The following TBC1D30 variants were observed in gnomAD, a reference collection of about 807,000 sequenced individuals.
TBC1D30 encodes TBC1 domain family, member 30.
TBC1D30 carries 31 observed loss-of-function variants against 63.2 expected under a neutral mutation model. The ratio of observed to expected loss-of-function variants is 0.49; its 90% CI spans 0.37 to 0.66. The LOEUF is 0.66. Among genes scored for constraint, TBC1D30 ranks in the 30% least tolerant of loss-of-function variants. TBC1D30 has a pLI of 0.00. For synonymous variants in TBC1D30, 307 were observed against 361.5 expected (o/e 0.85, Z 1.71); for missense variants, 810 against 953.6 (o/e 0.85, Z 1.98).
At chr12:64,866,932 T>G (rs1481663462) in intron 10 of TBC1D30, 29 bp downstream of exon 10, 1 of 1,534,958 alleles carries the variant, frequency 6.5e-7, no homozygotes, top group African/African-American at 1.4e-5. Context: ...ATTTAGATTA[T>G]CATGATGTAT....
intron 2 of TBC1D30, among the ~76,000 whole-genome samples, chr12:64,802,773 T>G (rs1872656263): frequency 6.6e-6 from 1 of 152,204 alleles, no homozygotes; most frequent in Non-Finnish European, 1.5e-5. Context: ...TGTGATAGTT[T>G]GCTGAGAATG....
chr12:64,801,316 TTGTG>T (rs150300758), intron 2 of TBC1D30, among the ~76,000 whole-genome samples: 2 of 151,640 alleles, frequency 1.3e-5, no homozygotes, highest in Non-Finnish European at 2.9e-5. Flanking sequence ...GGATCAAAGT[TTGTG>T]TGTGTGTGTG....
At chr12:64,819,262 G>A (rs1341022452) in intron 2 of TBC1D30, among the ~76,000 whole-genome samples, 2 of 152,220 alleles carry the variant, frequency 1.3e-5, no homozygotes, top group East Asian at 1.9e-4. Context: ...TGTAGGTAAT[G>A]TGATCTGTCA....
intron 2 of TBC1D30, among the ~76,000 whole-genome samples, chr12:64,794,733 C>T (rs1256619771): frequency 6.6e-6 from 1 of 152,190 alleles, no homozygotes; most frequent in East Asian, 1.9e-4. Context: ...GCCACTGCAC[C>T]TGGCTGTAAC....
At chr12:64,871,766 G>C (rs1215579517) in intron 11 of TBC1D30, among the ~76,000 whole-genome samples, 1 of 152,192 alleles carries the variant, frequency 6.6e-6, no homozygotes, top group Non-Finnish European at 1.5e-5. Context: ...CAAATAGTGA[G>C]GAAATGGTGA....
chr12:64,854,920 C>T (rs1477580886), intron 8 of TBC1D30, among the ~76,000 whole-genome samples: 1 of 152,198 alleles, frequency 6.6e-6, no homozygotes, highest in African/African-American at 2.4e-5. Flanking sequence ...ATGCTTTCTT[C>T]TTGCTCATTA....
chr12:64,802,700 A>G (rs1872651461), intron 2 of TBC1D30, among the ~76,000 whole-genome samples: 2 of 151,802 alleles, frequency 1.3e-5, no homozygotes, highest in East Asian at 1.9e-4. Context: ...CCTGTGTCCA[A>G]GTGTTCTCAT....
intron 2 of TBC1D30, among the ~76,000 whole-genome samples, chr12:64,793,530 C>T (rs565922026): frequency 8.0e-5 from 12 of 149,238 alleles, no homozygotes; most frequent in South Asian, 2.2e-4. Context: ...CGTGGTGGCA[C>T]GCACCTGTAA....
chr12:64,821,811 C>G (rs1421101058), upstream of TBC1D30, among the ~76,000 whole-genome samples: 1 of 152,230 alleles, frequency 6.6e-6, no homozygotes, highest in Non-Finnish European at 1.5e-5. Context: ...GGATAAATTT[C>G]TGTACCGGAG....
At chr12:64,798,652 C>T (rs1322557261) in intron 2 of TBC1D30, among the ~76,000 whole-genome samples, 1 of 152,088 alleles carries the variant, frequency 6.6e-6, no homozygotes, top group African/African-American at 2.4e-5. Flanking sequence ...CAGAGTTATT[C>T]TGGGGATGAG....
At chr12:64,786,158 T>G in intron 2 of TBC1D30, 6 of 716,038 alleles carry the variant, frequency 8.4e-6, no homozygotes, top group Non-Finnish European at 9.9e-6. Flanking sequence ...TGCAAGCTTA[T>G]ACCCTCAGAA....
intron 2 of TBC1D30, among the ~76,000 whole-genome samples, chr12:64,815,619 C>A (rs964698742): frequency 6.6e-6 from 1 of 152,070 alleles, no homozygotes; most frequent in Admixed American, 6.5e-5. Context: ...TGAAAAAACT[C>A]ATAAAGCATT....
intron 8 of TBC1D30, among the ~76,000 whole-genome samples, chr12:64,861,938 A>G (rs1383343594): frequency 1.3e-5 from 2 of 152,160 alleles, no homozygotes; most frequent in Non-Finnish European, 2.9e-5. Flanking sequence ...TACTTGTTCA[A>G]TACAAGGATC....
At chr12:64,824,597 C>T, upstream of TBC1D30, 1 of 330,138 alleles carries the variant, frequency 3.0e-6, no homozygotes, top group East Asian at 4.5e-5. Flanking sequence ...CCCACGCGCT[C>T]GCTCGCTCGC....
upstream of TBC1D30, chr12:64,824,521 G>T: frequency 4.5e-6 from 1 of 222,708 alleles, no homozygotes; most frequent in Non-Finnish European, 8.8e-6. Flanking sequence ...GGGCACGGGG[G>T]AGCTGGGGCG....
chr12:64,874,237 A>G (rs1878871026), intron 11 of TBC1D30, among the ~76,000 whole-genome samples: 2 of 152,114 alleles, frequency 1.3e-5, no homozygotes, highest in Admixed American at 1.3e-4. Context: ...ACAGGCATGC[A>G]CCATCACACC....
chr12:64,862,514 TC>T (rs1053922787), intron 8 of TBC1D30, among the ~76,000 whole-genome samples: 3 of 152,202 alleles, frequency 2.0e-5, no homozygotes, highest in African/African-American at 7.2e-5. Context: ...TAGACCATCA[TC>T]CCTGGGGCAG....
At chr12:64,789,754 A>G (rs1005800069) in intron 2 of TBC1D30, among the ~76,000 whole-genome samples, 3 of 152,184 alleles carry the variant, frequency 2.0e-5, no homozygotes, top group African/African-American at 4.8e-5. Context: ...AACAAGATCA[A>G]TATTGTATTA....
chr12:64,852,425 G>A (rs952477335), intron 8 of TBC1D30, among the ~76,000 whole-genome samples: 1 of 151,840 alleles, frequency 6.6e-6, no homozygotes, highest in Non-Finnish European at 1.5e-5. Context: ...AAGGTTCTTA[G>A]CTTCATGGTT....
Sources: allele counts gnomAD v4.1 joint callset (sites outside exome capture counted in the v4.1 genomes callset), GRCh38; gene constraint gnomAD v4.1.1; transcripts MANE v1.5; gene names NCBI Gene and HGNC (gene_info 2026-07-23, HGNC 2026-07-21).